NKAIN2: variants seen among roughly 807,000 people sequenced by gnomAD.
NKAIN2 encodes the protein sodium/potassium-transporting ATPase subunit beta-1-interacting protein 2.
In NKAIN2, 14 loss-of-function variants were observed where a neutral mutation model predicts 32.6. The observed-to-expected ratio is 0.43, with a 90% CI of 0.28 to 0.67. The LOEUF is 0.67. Among genes scored for constraint, NKAIN2 ranks in the 30% least tolerant of loss-of-function variants. The probability of loss-of-function intolerance (pLI) is 0.17; values close to 1 mark genes in which losing one functional copy is unlikely to be tolerated. For synonymous variants in NKAIN2, 80 were observed against 87.2 expected, an observed-to-expected ratio of 0.92 and a Z score of 0.46; for missense variants, 198 against 258.3, an observed-to-expected ratio of 0.77 and a Z score of 1.60.
chr6:124,106,411 A>G (rs12194011), intron 1 of NKAIN2, among the ~76,000 whole-genome samples: 4,625 of 152,298 alleles, frequency 0.03, 113 homozygotes, highest in Middle Eastern at 0.071. Flanking sequence ...TGTTTTAATT[A>G]AAGATGAAAT....
intron 3 of NKAIN2, among the ~76,000 whole-genome samples, chr6:124,450,096 A>G (rs971515052): frequency 6.6e-5 from 10 of 152,092 alleles, no homozygotes; most frequent in African/African-American, 2.4e-4. Flanking sequence ...ACGCATCTTG[A>G]AATGGGACAA....
chr6:124,073,271 C>A, intron 1 of NKAIN2, among the ~76,000 whole-genome samples: 1 of 152,220 alleles, frequency 6.6e-6, no homozygotes, highest in East Asian at 1.9e-4. Context: ...ATGAATGTTT[C>A]AGTCTTGAAG....
At chr6:124,817,559 T>C (rs1781221603) in intron 5 of NKAIN2, among the ~76,000 whole-genome samples, 1 of 152,170 alleles carries the variant, frequency 6.6e-6, no homozygotes, top group African/African-American at 2.4e-5. Flanking sequence ...ATGACACTTT[T>C]ATGGTCTGAC....
chr6:124,786,297 A>C (rs1779500967), intron 4 of NKAIN2, among the ~76,000 whole-genome samples: 1 of 152,078 alleles, frequency 6.6e-6, no homozygotes, highest in Non-Finnish European at 1.5e-5. Flanking sequence ...ATTGTTATAT[A>C]TATAATGTTC....
At chr6:124,278,966 G>C (rs1300491138) in intron 1 of NKAIN2, among the ~76,000 whole-genome samples, 4 of 152,016 alleles carry the variant, frequency 2.6e-5, no homozygotes. Flanking sequence ...ATGTGCTAAT[G>C]TATAAAAACC....
At chr6:124,313,453 G>A (rs551019903) in intron 2 of NKAIN2, among the ~76,000 whole-genome samples, 1 of 152,092 alleles carries the variant, frequency 6.6e-6, no homozygotes, top group East Asian at 1.9e-4. Flanking sequence ...TAAAACTTCA[G>A]TCACTTATCC....
intron 3 of NKAIN2, among the ~76,000 whole-genome samples, chr6:124,603,117 A>T (rs1050833212): frequency 1.3e-5 from 2 of 151,968 alleles, no homozygotes; most frequent in Non-Finnish European, 2.9e-5. Flanking sequence ...CTGTTAGGAG[A>T]TATTATCCCC....
At chr6:123,951,033 G>A (rs1586674) in intron 1 of NKAIN2, among the ~76,000 whole-genome samples, 27 of 151,992 alleles carry the variant, frequency 1.8e-4, no homozygotes, top group Admixed American at 3.3e-4. Flanking sequence ...TGGTCATTTA[G>A]GAGCATGTTG....
intron 1 of NKAIN2, among the ~76,000 whole-genome samples, chr6:123,939,305 T>C (rs1776706173): frequency 6.6e-6 from 1 of 151,836 alleles, no homozygotes. Flanking sequence ...TACCAAGTGT[T>C]AGTCTGCGCA....
chr6:124,698,107 A>G (rs1417729975), intron 4 of NKAIN2, among the ~76,000 whole-genome samples: 2 of 152,094 alleles, frequency 1.3e-5, no homozygotes, highest in Admixed American at 6.6e-5. Context: ...GGTGATTTCT[A>G]TTTTTCTTTA....
At chr6:124,459,922 T>C (rs1480528270) in intron 3 of NKAIN2, among the ~76,000 whole-genome samples, 1 of 151,798 alleles carries the variant, frequency 6.6e-6, no homozygotes, top group Non-Finnish European at 1.5e-5. Context: ...TACGTAGATG[T>C]ATATGTGTTT....
chr6:124,527,816 C>A (rs142399387), intron 3 of NKAIN2, among the ~76,000 whole-genome samples: 1 of 152,132 alleles, frequency 6.6e-6, no homozygotes, highest in East Asian at 1.9e-4. Flanking sequence ...TTGGGTCATA[C>A]AGGATAAGTG....
At position 124,776,626 on chromosome 6, in the gene NKAIN2, T is replaced by G. The variant is rs553111163; in HGVS notation, c.475-14713T>G. Reference sequence around the variant, plus strand: ...TTAAGGGTAGGGTTGTGCGTTTTATTTCTGCTATAGTCTTGTATTCATCCA... The same window carrying G: ...TTAAGGGTAGGGTTGTGCGTTTTATGTCTGCTATAGTCTTGTATTCATCCA... On this transcript the variant is annotated intron_variant, in intron 4 of 6. Coordinates refer to ENST00000368417, the MANE Select transcript of NKAIN2 (RefSeq NM_001040214.3). 1.1e-4 allele frequency among the ~76,000 whole-genome samples: 17 copies of G among 152,320 alleles called. 1 individual carries two copies. In the South Asian group the frequency reaches 3.5e-3, roughly 32 times the overall value.
intron 1 of NKAIN2, among the ~76,000 whole-genome samples, chr6:124,118,666 G>A (rs1262189272): frequency 6.6e-6 from 1 of 151,998 alleles, no homozygotes; most frequent in Non-Finnish European, 1.5e-5. Flanking sequence ...TCAGTAAAAA[G>A]CACGTTTATA....
chr6:124,569,520 A>C (rs1158096657), intron 3 of NKAIN2, among the ~76,000 whole-genome samples: 1 of 152,124 alleles, frequency 6.6e-6, no homozygotes, highest in African/African-American at 2.4e-5. Context: ...GCGGGAGGTA[A>C]TTGAATCATG....
intron 3 of NKAIN2, among the ~76,000 whole-genome samples, chr6:124,411,912 A>T (rs1036813701): frequency 9.2e-5 from 14 of 151,826 alleles, no homozygotes; most frequent in African/African-American, 2.9e-4. Flanking sequence ...ACTTCTCTTC[A>T]TGCTTCATTT....
intron 3 of NKAIN2, among the ~76,000 whole-genome samples, chr6:124,370,364 G>C (rs993738136): frequency 6.6e-6 from 1 of 151,930 alleles, no homozygotes; most frequent in Admixed American, 6.6e-5. Context: ...TGTGTATACA[G>C]CCTGATGCAA....
chr6:123,835,564 T>G (rs1171743868), intron 1 of NKAIN2, among the ~76,000 whole-genome samples: 1 of 152,214 alleles, frequency 6.6e-6, no homozygotes, highest in African/African-American at 2.4e-5. Context: ...TGGTGTTTAC[T>G]CTTCAATTTT....
chr6:124,372,075 A>G (rs1309815379), intron 3 of NKAIN2, among the ~76,000 whole-genome samples: 8 of 152,176 alleles, frequency 5.3e-5, no homozygotes, highest in Non-Finnish European at 1.0e-4. Flanking sequence ...ACAATTACAT[A>G]TTTAAAAATA....
Sources: allele counts gnomAD v4.1 joint callset (sites outside exome capture counted in the v4.1 genomes callset), GRCh38; gene constraint gnomAD v4.1.1; transcripts MANE v1.5; gene names NCBI Gene and HGNC (gene_info 2026-07-23, HGNC 2026-07-21).